OBP2B: variants seen among roughly 807,000 people sequenced by gnomAD.
OBP2B encodes odorant binding protein 2B.
In OBP2B, 10 loss-of-function variants were observed where a neutral mutation model predicts 21.7. That is an observed-to-expected ratio of 0.46 (90% CI 0.28 to 0.78). The LOEUF (loss-of-function observed/expected upper bound fraction) is 0.78, where lower values mean the gene tolerates loss of function less well. Among genes scored for constraint, OBP2B ranks in the 30% least tolerant of loss-of-function variants. The pLI, the probability that OBP2B is intolerant of heterozygous loss-of-function variation, is 0.11. For synonymous variants in OBP2B, 73 were observed against 91.5 expected, an observed-to-expected ratio of 0.80 and a Z score of 1.16; for missense variants, 153 against 217.7, an observed-to-expected ratio of 0.70 and a Z score of 1.87.
chr9:133,207,512 C>T (rs1399800380), intron 3 of OBP2B, among the ~76,000 whole-genome samples, 176 bp from the exon 4 acceptor site: 1 of 152,162 alleles, frequency 6.6e-6, no homozygotes, highest in African/African-American at 2.4e-5. Flanking sequence ...TCAGGAAGGT[C>T]CCAATGCAAG....
Position 133,205,399 on chromosome 9 carries a change from G to A in OBP2B, c.*14C>T. ...TGGTAGGGTGGGCTCTGGAGGTGCA[G>A]ACCCGGGGGCTGCTGTGCTGGGAAG... On this transcript the variant is annotated 3_prime_UTR_variant, in exon 7 of 7. Coordinates refer to ENST00000372034, the MANE Select transcript of OBP2B (RefSeq NM_014581.4). 1 of 1,441,784 alleles carries A rather than the reference G, an allele frequency of 6.9e-7. No individual in the cohort carries two copies. The highest frequency in any genetic ancestry group is 2.1e-5 in the Admixed American group (1 of 48,578). The allele number at this position is 1,441,784 out of a possible 1,614,324, so 89.3% of individuals were successfully genotyped here. A position where few individuals can be genotyped will look rare whatever the true frequency, so the allele number is the denominator to read the frequency against.
chr9:133,216,656 T>A, the OBP2B span, among the ~76,000 whole-genome samples: 1 of 151,904 alleles, frequency 6.6e-6, no homozygotes, highest in Non-Finnish European at 1.5e-5. Context: ...CTGTGGTACA[T>A]CCATACCATA....
intron 3 of OBP2B, chr9:133,207,694 C>T: frequency 1.9e-6 from 1 of 527,358 alleles, no homozygotes; most frequent in Non-Finnish European, 3.5e-6. Flanking sequence ...ATCCCTAACC[C>T]TCGGCCTCCT....
upstream of OBP2B, among the ~76,000 whole-genome samples, chr9:133,210,765 C>T (rs1411801810): frequency 6.6e-6 from 1 of 152,216 alleles, no homozygotes; most frequent in Non-Finnish European, 1.5e-5. Context: ...CATCATCCAC[C>T]CATCTTGCCC....
chr9:133,216,735 A>C, the OBP2B span, among the ~76,000 whole-genome samples: 1 of 151,632 alleles, frequency 6.6e-6, no homozygotes, highest in Non-Finnish European at 1.5e-5. Context: ...TCTCCAGAGA[A>C]TGATGCTGCA....
chr9:133,220,500 G>A, the OBP2B span, among the ~76,000 whole-genome samples: 20 of 151,792 alleles, frequency 1.3e-4, no homozygotes, highest in South Asian at 6.2e-4. Context: ...CCTCATCCCT[G>A]GCCCTGTGGA....
In OBP2B at chr9:133,207,252, C is replaced by T. The variant is rs1428283407; in HGVS notation, c.362G>A (p.Gly121Asp). 1.2e-6 allele frequency: 2 copies of T among 1,613,146 alleles called. No individual in the cohort carries two copies. The highest frequency in any genetic ancestry group is 2.2e-5 in the East Asian group (1 of 44,862). Reference protein sequence around the residue: ...IFYCKDQHHGGLLHMGKLVGR... With the variant: ...IFYCKDQHHGDLLHMGKLVGR... The stretch of plus-strand genomic sequence containing the variant: ...CACAAGCTTTCCCATGTGGAGCAGG[C>T]CCCCATGGTGCTGGTCTTTGCAGTA... Residue 121 changes from glycine to aspartate, a missense_variant, in exon 4 of 7, where the codon GGC becomes GAC. This residue lies in a region of OBP2B where 151 missense variants were observed against 186.3 expected (regional missense o/e 0.81). Coordinates refer to ENST00000372034, the MANE Select transcript of OBP2B (RefSeq NM_014581.4).
chr9:133,206,142 G>A (rs1163197063), intron 5 of OBP2B, among the ~76,000 whole-genome samples, 173 bp downstream of exon 5: 2 of 152,162 alleles, frequency 1.3e-5, no homozygotes, highest in Admixed American at 1.3e-4. Context: ...GCAGCCCAGA[G>A]CACAGAGCCT....
rs1259901200 is a variant in OBP2B, at chr9:133,209,207, G to A, written c.-8C>T. 8 of 1,594,934 alleles carry A rather than the reference G, an allele frequency of 5.0e-6. No homozygotes were observed. The highest frequency in any genetic ancestry group is 1.1e-5 in the South Asian group (1 of 88,572). On this transcript the variant is annotated 5_prime_UTR_variant, in exon 1 of 7. Coordinates refer to ENST00000372034, the MANE Select transcript of OBP2B (RefSeq NM_014581.4). The surrounding 1 kb of genome is among the most constrained non-coding windows in gnomAD (Gnocchi z 6.0). ...CAGGAACAGGGTCTTCATCTCCAGA[G>A]CTCTGTGCTGCCGACCTCGGCAGGT...
chr9:133,210,804 T>C (rs528953435), upstream of OBP2B, among the ~76,000 whole-genome samples: 3 of 152,288 alleles, frequency 2.0e-5, no homozygotes, highest in East Asian at 5.8e-4. Context: ...GCCAACTGTG[T>C]CCTTTTAGAT....
Position 133,206,047 on chromosome 9 carries a change from C to A in OBP2B, c.491-107G>T, listed in dbSNP as rs1474745206. The A allele has an allele frequency of 2.7e-6, 4 of 1,486,890 alleles. No homozygotes were observed. The Admixed American group carries it at 6.9e-5, about 26-fold the overall frequency. The allele number at this position is 1,486,890 out of a possible 1,614,324, so 92.1% of individuals were successfully genotyped here. A position where few individuals can be genotyped will look rare whatever the true frequency, so the allele number is the denominator to read the frequency against. On this transcript the variant is annotated intron_variant, in intron 5 of 6. Transcript: ENST00000372034. Reference sequence around the variant, plus strand: ...CCCCAGAGCCCATCGCAGCCCAGAGCGCGGAGCCCCAGACCCCATCGCAGC... The same window carrying A: ...CCCCAGAGCCCATCGCAGCCCAGAGAGCGGAGCCCCAGACCCCATCGCAGC...
chr9:133,210,738 G>A (rs1833900800), upstream of OBP2B, among the ~76,000 whole-genome samples: 1 of 152,206 alleles, frequency 6.6e-6, no homozygotes, highest in Admixed American at 6.5e-5. Flanking sequence ...TGCGACGGGT[G>A]CTCTCCAGGA....
chr9:133,215,952 T>C, the OBP2B span, among the ~76,000 whole-genome samples: 2 of 152,272 alleles, frequency 1.3e-5, no homozygotes, highest in South Asian at 2.1e-4. Flanking sequence ...AAATGGATCA[T>C]AGACTTAAAC....
At chr9:133,220,398 C>G in the OBP2B span, among the ~76,000 whole-genome samples, 9 of 152,236 alleles carry the variant, frequency 5.9e-5, no homozygotes, top group African/African-American at 2.2e-4. Flanking sequence ...CATCACTCCC[C>G]GGAGACACCC....
intron 3 of OBP2B, chr9:133,207,779 C>T (rs1588616889): frequency 5.4e-6 from 6 of 1,118,474 alleles, no homozygotes; most frequent in Non-Finnish European, 7.3e-6. Flanking sequence ...CATCCTTAAC[C>T]CTCAGCTTCC....
the OBP2B span, among the ~76,000 whole-genome samples, chr9:133,218,581 CA>C: frequency 6.6e-6 from 1 of 152,186 alleles, no homozygotes; most frequent in African/African-American, 2.4e-5. Flanking sequence ...CCACCACAAA[CA>C]GAGGGAAACT....
chr9:133,220,119 T>TG, the OBP2B span, among the ~76,000 whole-genome samples: 1 of 151,690 alleles, frequency 6.6e-6, no homozygotes, highest in African/African-American at 2.4e-5. Flanking sequence ...GAGGGAAGAA[T>TG]GGGGGTGAGA....
In OBP2B at chr9:133,206,483, C is replaced by T. The variant is rs879973281; in HGVS notation, c.389-67G>A. The T allele has an allele frequency of 1.0e-3, 1,550 of 1,509,556 alleles. 1 individual carries two copies. The highest frequency in any genetic ancestry group is 1.2e-3 in the Admixed American group (70 of 56,806). The allele number at this position is 1,509,556 out of a possible 1,614,324, so 93.5% of individuals were successfully genotyped here. On this transcript the variant is annotated intron_variant, in intron 4 of 6. Transcript: ENST00000372034. ...GCACGGCCCTGCAGGGAGCAGATGC[C>T]GAAAGGAGACGACCACGGCCCAGCA...
At chr9:133,207,361 C>T (rs200989545) in intron 3 of OBP2B, 25 bp from the exon 4 acceptor site, 98 of 1,480,732 alleles carry the variant, frequency 6.6e-5, no homozygotes, top group Admixed American at 1.0e-4. Context: ...GAAAATGGGT[C>T]ATTCCCAGAG....
Sources: allele counts gnomAD v4.1 joint callset (sites outside exome capture counted in the v4.1 genomes callset), GRCh38; gene constraint gnomAD v4.1.1; regional missense constraint gnomAD v4.1.1; non-coding constraint Gnocchi (gnomAD v3.1); transcripts MANE v1.5; gene names NCBI Gene and HGNC (gene_info 2026-07-23, HGNC 2026-07-21).